The following SCLT1 variants were observed in gnomAD, a reference collection of about 807,000 sequenced individuals.
The protein encoded by SCLT1 is sodium channel-associated protein 1.
In SCLT1, 78 loss-of-function variants were observed where a neutral mutation model predicts 112.8. That is an observed-to-expected ratio of 0.69 (90% CI 0.58 to 0.83). The LOEUF (loss-of-function observed/expected upper bound fraction) is 0.83. Among genes scored for constraint, SCLT1 ranks in the 40% least tolerant of loss-of-function variants. The pLI is 0.00. For missense variants in SCLT1, 747 were observed against 770.4 expected, an observed-to-expected ratio of 0.97 and a Z score of 0.36; for synonymous variants, 257 against 254.7, an observed-to-expected ratio of 1.01 and a Z score of -0.09.
At chr4:128,956,947 A>G (rs1163765450) in intron 13 of SCLT1, 79 bp downstream of exon 13, 2 of 742,310 alleles carry the variant, frequency 2.7e-6, no homozygotes, top group Non-Finnish European at 4.4e-6. Flanking sequence ...TTTAATTTTA[A>G]TTTACAAATA....
intron 18 of SCLT1, among the ~76,000 whole-genome samples, chr4:128,925,272 G>A (rs1475826178): frequency 6.6e-6 from 1 of 152,036 alleles, no homozygotes; most frequent in Non-Finnish European, 1.5e-5. Flanking sequence ...CTAAATTTTG[G>A]AGCAATTTGT....
intron 2 of SCLT1, among the ~76,000 whole-genome samples, chr4:129,068,433 A>C (rs1750687713): frequency 6.6e-6 from 1 of 152,210 alleles, no homozygotes; most frequent in Non-Finnish European, 1.5e-5. Context: ...GTAAGGTGGT[A>C]TCACGTTGTG....
intron 18 of SCLT1, among the ~76,000 whole-genome samples, chr4:128,893,504 T>C (rs1733486029): frequency 6.6e-6 from 1 of 152,222 alleles, no homozygotes; most frequent in South Asian, 2.1e-4. Context: ...GGTGCTTTCA[T>C]AAATTAATTT....
intron 4 of SCLT1, among the ~76,000 whole-genome samples, chr4:129,042,447 C>A (rs1290705325): frequency 6.6e-6 from 1 of 151,958 alleles, no homozygotes; most frequent in African/African-American, 2.4e-5. Context: ...AAATGATAAT[C>A]CATTCTGCAA....
chr4:129,043,969 G>C, intron 3 of SCLT1, 24 bp downstream of exon 3: 2 of 1,161,278 alleles, frequency 1.7e-6, no homozygotes, highest in Middle Eastern at 3.9e-4. Context: ...CGAAGAAAAT[G>C]ATATTATTCT....
At position 128,884,323 on chromosome 4, in the gene SCLT1, C is replaced by A; in HGVS notation, c.*154G>T. On this transcript the variant is annotated 3_prime_UTR_variant, in exon 21 of 21. Coordinates refer to ENST00000281142, the MANE Select transcript of SCLT1 (RefSeq NM_144643.4). ...TTACTTACAGGAAGTGGTCACTGCT[C>A]TGTTTTCCAATAACCCTCAAAACAG... The A allele has an allele frequency of 1.9e-6, 1 of 540,164 alleles. No individual in the cohort carries two copies. Among genetic ancestry groups the A allele is most frequent in the Non-Finnish European group, 3.3e-6 (1 of 306,288 alleles). 33.5% of individuals were successfully genotyped at this position (540,164 alleles called of 1,614,324 possible).
chr4:128,994,042 A>G (rs1476589959), intron 8 of SCLT1, among the ~76,000 whole-genome samples: 1 of 152,124 alleles, frequency 6.6e-6, no homozygotes, highest in African/African-American at 2.4e-5. Context: ...GAATACTTAC[A>G]TGAGTTATGC....
At chr4:128,919,671 A>G (rs953784218) in intron 18 of SCLT1, among the ~76,000 whole-genome samples, 62 of 152,216 alleles carry the variant, frequency 4.1e-4, no homozygotes, top group African/African-American at 1.4e-3. Context: ...ACTAATAAAG[A>G]AAAAGAAAAG....
intron 1 of SCLT1, among the ~76,000 whole-genome samples, chr4:129,082,811 T>C (rs751543537): frequency 1.1e-4 from 17 of 152,152 alleles, no homozygotes; most frequent in Admixed American, 3.9e-4. Context: ...TAAGGAGAAA[T>C]TGCAGGCTGA....
At chr4:129,008,402 C>T (rs916137779) in intron 5 of SCLT1, among the ~76,000 whole-genome samples, 1 of 152,164 alleles carries the variant, frequency 6.6e-6, no homozygotes, top group East Asian at 1.9e-4. Flanking sequence ...TATCTTACTG[C>T]TATTCCTTTG....
chr4:129,056,259 AC>A (rs1256086543), intron 2 of SCLT1, among the ~76,000 whole-genome samples: 2 of 152,194 alleles, frequency 1.3e-5, no homozygotes, highest in East Asian at 3.9e-4. Flanking sequence ...ATCTGCCAGT[AC>A]TATTTCTTAA....
intron 8 of SCLT1, among the ~76,000 whole-genome samples, 164 bp from the exon 9 acceptor site, chr4:128,992,401 A>ACTAC (rs1742655055): frequency 6.6e-6 from 1 of 151,854 alleles, no homozygotes; most frequent in Non-Finnish European, 1.5e-5. Flanking sequence ...CCTTGCCTTT[A>ACTAC]CTACTTCATT....
At position 129,027,525 on chromosome 4, in the gene SCLT1, C is replaced by T. The variant is rs911605516; in HGVS notation, c.290+11516G>A. 9.9e-5 allele frequency among the ~76,000 whole-genome samples: 15 copies of T among 152,114 alleles called. 1 individual carries two copies. Among genetic ancestry groups the T allele is most frequent in the South Asian group, 6.2e-4 (3 of 4,828 alleles). On this transcript the variant is annotated intron_variant, in intron 5 of 20. Transcript: ENST00000281142. The stretch of plus-strand genomic sequence containing the variant: ...TAAATTAGGTATTGATGGGACGTAT[C>T]TCAAAATAATAAGAGCTATCTATGA...
chr4:128,959,314 T>C (rs1167735791), intron 12 of SCLT1, among the ~76,000 whole-genome samples: 1 of 141,856 alleles, frequency 7.0e-6, no homozygotes, highest in African/African-American at 2.7e-5. Context: ...CTGTTAACAG[T>C]TTTTTTTTTT....
In SCLT1 at chr4:128,888,732, G is replaced by A. The variant is rs1733082585; in HGVS notation, c.1951C>T (p.Leu651Phe). 1 of 1,613,280 alleles carries A rather than the reference G, an allele frequency of 6.2e-7. No homozygotes were observed. Among genetic ancestry groups the A allele is most frequent in the Admixed American group, 1.7e-5 (1 of 59,976 alleles). The change falls in exon 20 of 21, where the codon CTT (leucine) becomes TTT (phenylalanine). Residue 651 changes from leucine (L) to phenylalanine (F), a missense_variant. Physicochemically the swap from Leu to Phe is conservative, Grantham distance 22. This residue lies in a region of SCLT1 where 24 missense variants were observed against 49.1 expected (regional missense o/e 0.49). Transcript: ENST00000281142. ...ILEHQEKANR[L>F]QRRLSQAEER... Reference sequence around the variant, plus strand: ...TCTGCCTGACTTAGACGCCTTTGAAGTCTGTTGGCTTTTTCTTGATGCTCT... The same window carrying A: ...TCTGCCTGACTTAGACGCCTTTGAAATCTGTTGGCTTTTTCTTGATGCTCT...
chr4:128,914,543 G>T (rs888617407), intron 18 of SCLT1, among the ~76,000 whole-genome samples: 1 of 152,094 alleles, frequency 6.6e-6, no homozygotes, highest in East Asian at 1.9e-4. Flanking sequence ...GATAAATGAA[G>T]AGTTTGTAAG....
At chr4:128,952,462 T>C (rs1579484455) in intron 14 of SCLT1, 1 of 501,542 alleles carries the variant, frequency 2.0e-6, no homozygotes, top group East Asian at 5.4e-5. Context: ...ACTTTCTCTT[T>C]CTCCTTGGTT....
intron 6 of SCLT1, among the ~76,000 whole-genome samples, chr4:129,001,738 T>C (rs1211015010): frequency 6.6e-6 from 1 of 152,082 alleles, no homozygotes; most frequent in African/African-American, 2.4e-5. Flanking sequence ...GCTATTGCTA[T>C]TGGCTCCTAA....
chr4:129,004,044 G>A (rs1274345444), intron 5 of SCLT1, among the ~76,000 whole-genome samples, 168 bp from the exon 6 acceptor site: 1 of 152,068 alleles, frequency 6.6e-6, no homozygotes, highest in East Asian at 1.9e-4. Flanking sequence ...TAAATACTGT[G>A]CTATAAGAAT....
Sources: allele counts gnomAD v4.1 joint callset (sites outside exome capture counted in the v4.1 genomes callset), GRCh38; gene constraint gnomAD v4.1.1; regional missense constraint gnomAD v4.1.1; transcripts MANE v1.5; gene names NCBI Gene and HGNC (gene_info 2026-07-23, HGNC 2026-07-21).